Variants in ME3 observed in about 807,000 individuals in gnomAD.
ME3 encodes the protein NADP-dependent malic enzyme, mitochondrial.
In ME3, 48 loss-of-function variants were observed where a neutral mutation model predicts 68.9. The observed-to-expected ratio is 0.70, with a 90% CI of 0.55 to 0.89. ME3 has a LOEUF of 0.89. Ranked by LOEUF, ME3 falls within the 40% of genes least tolerant of loss-of-function variation. The probability of loss-of-function intolerance (pLI) is 0.00; values close to 1 mark genes in which losing one functional copy is unlikely to be tolerated. For synonymous variants in ME3, 320 were observed against 318.8 expected (o/e 1.00, Z -0.04); for missense variants, 675 against 797.4 (o/e 0.85, Z 1.85).
rs57608294 is a variant in ME3, at chr11:86,521,455, A to AATAATAAT, written c.468-12589_468-12588insATTATTAT. 1.9e-3 allele frequency among the ~76,000 whole-genome samples: 219 copies of AATAATAAT among 114,680 alleles called. 2 individuals carry two copies. Among genetic ancestry groups the AATAATAAT allele is most frequent in the African/African-American group, 7.2e-3 (207 of 28,888 alleles). 75.2% of individuals were successfully genotyped at this position (114,680 alleles called of 152,430 possible). The stretch of plus-strand genomic sequence containing the variant: ...AAAATAATAATAATAATAATAATAA[A>AATAATAAT]AAAATGGAGCTGTAATCATTAAATC... On this transcript the variant is annotated intron_variant, in intron 4 of 14. Coordinates refer to ENST00000543262, the Ensembl canonical transcript of ME3.
chr11:86,540,686 A>C (rs555915841), intron 4 of ME3, among the ~76,000 whole-genome samples: 1 of 152,364 alleles, frequency 6.6e-6, no homozygotes, highest in East Asian at 1.9e-4. Flanking sequence ...ACAATGGATT[A>C]ACACAAGGAC....
intron 5 of ME3, among the ~76,000 whole-genome samples, chr11:86,508,237 G>C (rs1953229566): frequency 6.6e-6 from 1 of 152,008 alleles, no homozygotes; most frequent in Non-Finnish European, 1.5e-5. Context: ...CCACAGCCTA[G>C]TCTCTCCACT....
At chr11:86,442,728 C>T (rs1470086548) in intron 14 of ME3, 93 bp downstream of exon 14, 5 of 1,055,890 alleles carry the variant, frequency 4.7e-6, no homozygotes, top group Non-Finnish European at 7.0e-6. Flanking sequence ...CCAGTGTCTC[C>T]ACAGTTTCCA....
chr11:86,543,762 C>A (rs117719947), intron 4 of ME3, among the ~76,000 whole-genome samples: 8,110 of 152,230 alleles, frequency 0.053, 287 homozygotes, highest in Non-Finnish European at 0.082. Context: ...ATAAAATTAA[C>A]AAGGATATTC....
Position 86,497,802 on chromosome 11 carries a change from C to T in ME3, c.705+161G>A, listed in dbSNP as rs76303955. On this transcript the variant is annotated intron_variant, in intron 6 of 14. Coordinates refer to ENST00000543262, the Ensembl canonical transcript of ME3. The stretch of plus-strand genomic sequence containing the variant: ...GGGTGGGCAACCAGGGAAGAAGGTC[C>T]TCTACTCCACAACTGTGTAGGGGGA... Among the ~76,000 whole-genome samples, 446 of 152,208 alleles carry T rather than the reference C, an allele frequency of 2.9e-3. 1 individual carries two copies. Among genetic ancestry groups the T allele is most frequent in the African/African-American group, 0.01 (422 of 41,532 alleles).
At chr11:86,564,631 G>T (rs1029750630) in intron 2 of ME3, among the ~76,000 whole-genome samples, 1 of 152,084 alleles carries the variant, frequency 6.6e-6, no homozygotes, top group Non-Finnish European at 1.5e-5. Flanking sequence ...AAATGGTGTG[G>T]GGACAACTAA....
chr11:86,484,755 C>T (rs1210817122), intron 7 of ME3, among the ~76,000 whole-genome samples: 1 of 152,196 alleles, frequency 6.6e-6, no homozygotes, highest in East Asian at 1.9e-4. Flanking sequence ...CTCTTTTCAT[C>T]CACAGGTGAC....
chr11:86,483,957 C>G (rs555376164), intron 7 of ME3, among the ~76,000 whole-genome samples: 1 of 152,342 alleles, frequency 6.6e-6, no homozygotes, highest in South Asian at 2.1e-4. Context: ...CCATCCACTG[C>G]ATGACAGGGA....
intron 8 of ME3, among the ~76,000 whole-genome samples, chr11:86,451,612 G>T (rs1342301156): frequency 6.6e-6 from 1 of 152,136 alleles, no homozygotes; most frequent in African/African-American, 2.4e-5. Flanking sequence ...CCATTCCCTG[G>T]GGGGGACCAT....
At chr11:86,526,829 C>G (rs1010975589) in intron 4 of ME3, among the ~76,000 whole-genome samples, 6 of 152,174 alleles carry the variant, frequency 3.9e-5, no homozygotes, top group Non-Finnish European at 7.4e-5. Context: ...GGAAAACTAA[C>G]AAACAGAAAG....
At chr11:86,449,680 G>A (rs528176850) in intron 10 of ME3, among the ~76,000 whole-genome samples, 1 of 151,312 alleles carries the variant, frequency 6.6e-6, no homozygotes, top group East Asian at 2.0e-4. Flanking sequence ...AAGACTAGAA[G>A]GGGCACACAT....
chr11:86,531,955 A>G (rs1028263293), intron 4 of ME3, among the ~76,000 whole-genome samples: 2 of 149,726 alleles, frequency 1.3e-5, no homozygotes, highest in Admixed American at 1.4e-4. Context: ...GTGCACATGT[A>G]CCCTAAAACT....
At chr11:86,647,417 G>A (rs1478448393) in intron 2 of ME3, among the ~76,000 whole-genome samples, 10 of 151,924 alleles carry the variant, frequency 6.6e-5, no homozygotes, top group East Asian at 1.9e-4. Context: ...CCTAGGAGGC[G>A]GAGCTTGCAG....
intron 7 of ME3, among the ~76,000 whole-genome samples, chr11:86,470,785 C>G (rs1950739493): frequency 6.6e-6 from 1 of 152,144 alleles, no homozygotes; most frequent in Non-Finnish European, 1.5e-5. Flanking sequence ...TGCTTCTGTC[C>G]AGGACCCTAC....
chr11:86,544,421 GAAGAA>G (rs1241308738), intron 4 of ME3, among the ~76,000 whole-genome samples: 2 of 152,036 alleles, frequency 1.3e-5, no homozygotes, highest in African/African-American at 4.8e-5. Context: ...GACTAATAAA[GAAGAA>G]AAGAGAGAAG....
intron 2 of ME3, among the ~76,000 whole-genome samples, chr11:86,579,848 G>T (rs1273866815): frequency 2.6e-5 from 4 of 152,298 alleles, no homozygotes; most frequent in African/African-American, 7.2e-5. Flanking sequence ...TTCCAAGTTA[G>T]AAGTTCAGCT....
At chr11:86,670,952 T>A (rs1422762643) in intron 2 of ME3, among the ~76,000 whole-genome samples, 1 of 152,200 alleles carries the variant, frequency 6.6e-6, no homozygotes. Context: ...TGAGTTAATT[T>A]GAGGAGGTAG....
At chr11:86,544,403 G>A (rs1199304622) in intron 4 of ME3, among the ~76,000 whole-genome samples, 5 of 152,064 alleles carry the variant, frequency 3.3e-5, no homozygotes, top group African/African-American at 1.2e-4. Context: ...CAGATACACT[G>A]CTAGCCAGAC....
At chr11:86,646,531 T>G (rs1295787328) in intron 2 of ME3, among the ~76,000 whole-genome samples, 1 of 152,080 alleles carries the variant, frequency 6.6e-6, no homozygotes, top group African/African-American at 2.4e-5. Flanking sequence ...AAACAAAGCC[T>G]CTAAGAAATA....
Sources: gnomAD v4.1 joint callset for allele counts (sites outside exome capture counted in the v4.1 genomes callset) on GRCh38, gnomAD v4.1.1 for gene constraint, MANE v1.5 for transcripts, NCBI Gene and HGNC (gene_info 2026-07-23, HGNC 2026-07-21) for gene names.